The following PLXNC1 variants were observed in gnomAD, a reference collection of about 807,000 sequenced individuals.
PLXNC1 encodes the protein plexin C1, also known as plexin-C1.
PLXNC1 carries 75 observed loss-of-function variants against 178.2 expected under a neutral mutation model. The ratio of observed to expected loss-of-function variants is 0.42; its 90% CI spans 0.35 to 0.51. PLXNC1 has a LOEUF of 0.51. Ranked by LOEUF, PLXNC1 falls within the 20% of genes least tolerant of loss-of-function variation. The pLI, the probability that PLXNC1 is intolerant of heterozygous loss-of-function variation, is 0.02. For synonymous variants in PLXNC1, 790 were observed against 779.9 expected, an observed-to-expected ratio of 1.01 and a Z score of -0.22; for missense variants, 1,503 against 1,984.4, an observed-to-expected ratio of 0.76 and a Z score of 4.61.
chr12:94,204,743 A>T (rs988369408), intron 4 of PLXNC1, among the ~76,000 whole-genome samples: 2 of 152,240 alleles, frequency 1.3e-5, no homozygotes, highest in African/African-American at 4.8e-5. Flanking sequence ...TTCCCTAAAA[A>T]TGCAGACATC....
chr12:94,173,190 C>T (rs1040319452), intron 2 of PLXNC1, among the ~76,000 whole-genome samples: 1 of 152,102 alleles, frequency 6.6e-6, no homozygotes, highest in Admixed American at 6.5e-5. Context: ...TCACACTGCA[C>T]GTGTTGCACA....
intron 8 of PLXNC1, among the ~76,000 whole-genome samples, chr12:94,226,929 A>G (rs1434204753): frequency 3.3e-5 from 5 of 152,172 alleles, no homozygotes; most frequent in African/African-American, 1.2e-4. Flanking sequence ...AGGCTGAGGC[A>G]GGAGAATCAC....
chr12:94,283,556 G>C (rs763173166), intron 23 of PLXNC1, among the ~76,000 whole-genome samples: 4 of 152,192 alleles, frequency 2.6e-5, no homozygotes, highest in Non-Finnish European at 5.9e-5. Context: ...ACGGGAGACG[G>C]GAGTTTTATT....
At chr12:94,228,008 G>A (rs1963993752) in intron 9 of PLXNC1, among the ~76,000 whole-genome samples, 1 of 152,152 alleles carries the variant, frequency 6.6e-6, no homozygotes, top group Non-Finnish European at 1.5e-5. Flanking sequence ...TGACAGCTCT[G>A]GGGAGAAAAG....
intron 4 of PLXNC1, among the ~76,000 whole-genome samples, chr12:94,198,936 C>T (rs1338099365): frequency 1.3e-5 from 2 of 151,954 alleles, no homozygotes; most frequent in East Asian, 1.9e-4. Flanking sequence ...CTGATGGGCA[C>T]GAATTTGGGG....
chr12:94,181,332 G>A, intron 2 of PLXNC1, 114 bp from the exon 3 acceptor site: 1 of 661,368 alleles, frequency 1.5e-6, no homozygotes, highest in Admixed American at 3.0e-5. Context: ...AGGTTGCAGT[G>A]AGCCAAGATC....
At chr12:94,208,712 A>T (rs1446191176) in intron 4 of PLXNC1, among the ~76,000 whole-genome samples, 1 of 152,214 alleles carries the variant, frequency 6.6e-6, no homozygotes, top group Admixed American at 6.5e-5. Flanking sequence ...TATTCAATGG[A>T]ATATCTGTGG....
chr12:94,244,133 TAA>T, intron 12 of PLXNC1, 108 bp downstream of exon 12: 2 of 579,664 alleles, frequency 3.5e-6, no homozygotes, highest in East Asian at 5.7e-5. Context: ...TTTGGTGTTA[TAA>T]ACTTTTACCT....
chr12:94,298,839 C>CAGAATATTAACTAAAAGAA (rs778141500), intron 27 of PLXNC1, 44 bp downstream of exon 27: 37 of 1,542,266 alleles, frequency 2.4e-5, no homozygotes. Context: ...GAATCTGGGA[C>CAGAATATTAACTAAAAGAA]AGAATATTAA....
intron 21 of PLXNC1, among the ~76,000 whole-genome samples, chr12:94,274,768 C>G (rs1361535204): frequency 6.6e-6 from 1 of 152,172 alleles, no homozygotes; most frequent in Non-Finnish European, 1.5e-5. Flanking sequence ...CTTGAGTACC[C>G]GGTTCTACCA....
chr12:94,209,805 A>G (rs1963412432), intron 5 of PLXNC1, 101 bp downstream of exon 5: 2 of 718,396 alleles, frequency 2.8e-6, no homozygotes, highest in African/African-American at 1.8e-5. Flanking sequence ...GCAATCAAAC[A>G]TGCTTAGTGA....
At chr12:94,184,292 A>T (rs1258079539) in intron 3 of PLXNC1, among the ~76,000 whole-genome samples, 3 of 142,586 alleles carry the variant, frequency 2.1e-5, no homozygotes, top group Non-Finnish European at 3.1e-5. Flanking sequence ...TAATTTTTGT[A>T]TTTTTTTTTT....
intron 2 of PLXNC1, among the ~76,000 whole-genome samples, chr12:94,172,541 A>G (rs2135945161): frequency 6.6e-6 from 1 of 152,326 alleles, no homozygotes; most frequent in South Asian, 2.1e-4. Context: ...TGAGAGGACA[A>G]CAAAGAAAAA....
intron 6 of PLXNC1, among the ~76,000 whole-genome samples, chr12:94,222,842 G>A (rs547717050): frequency 1.3e-5 from 2 of 152,308 alleles, no homozygotes; most frequent in East Asian, 3.9e-4. Context: ...CATGTATCAA[G>A]TGTCTGTTCA....
intron 4 of PLXNC1, among the ~76,000 whole-genome samples, chr12:94,192,323 C>T (rs1023476022): frequency 1.3e-5 from 2 of 152,044 alleles, no homozygotes; most frequent in African/African-American, 4.8e-5. Flanking sequence ...AATCCTACAT[C>T]CAATCACAAA....
chr12:94,186,570 C>A, intron 4 of PLXNC1, 97 bp downstream of exon 4: 1 of 736,194 alleles, frequency 1.4e-6, no homozygotes. Flanking sequence ...TTCCAGTGAC[C>A]TGAGGGAACT....
At chr12:94,161,483 T>C (rs1961384384) in intron 1 of PLXNC1, among the ~76,000 whole-genome samples, 1 of 152,226 alleles carries the variant, frequency 6.6e-6, no homozygotes, top group African/African-American at 2.4e-5. Flanking sequence ...ACTTGTTCTT[T>C]CTATTCTTCC....
intron 15 of PLXNC1, among the ~76,000 whole-genome samples, chr12:94,253,241 A>C (rs1423227881): frequency 6.2e-5 from 9 of 144,110 alleles, no homozygotes; most frequent in South Asian, 2.2e-4. Flanking sequence ...AAAAAAAAGC[A>C]CTTTGTATTT....
chr12:94,303,062 A>T, intron 28 of PLXNC1, among the ~76,000 whole-genome samples: 1 of 152,234 alleles, frequency 6.6e-6, no homozygotes, highest in East Asian at 1.9e-4. Flanking sequence ...TTCCCTGAGT[A>T]GAATTTTTTA....
Sources: gnomAD v4.1 joint callset for allele counts (sites outside exome capture counted in the v4.1 genomes callset) on GRCh38, gnomAD v4.1.1 for gene constraint, MANE v1.5 for transcripts, NCBI Gene and HGNC (gene_info 2026-07-23, HGNC 2026-07-21) for gene names.